Variants in SPATA13 observed in about 807,000 individuals in gnomAD.
SPATA13 encodes the protein spermatogenesis-associated protein 13.
SPATA13 carries 50 observed loss-of-function variants against 104.0 expected under a neutral mutation model. That is an observed-to-expected ratio of 0.48 (90% CI 0.38 to 0.61). The LOEUF (loss-of-function observed/expected upper bound fraction) is 0.61, where lower values mean the gene tolerates loss of function less well. Ranked by LOEUF, SPATA13 falls within the 20% of genes least tolerant of loss-of-function variation. SPATA13 has a pLI of 0.00. For missense variants in SPATA13, 1,524 were observed against 1,690.6 expected (o/e 0.90, Z 1.73); for synonymous variants, 606 against 667.5 (o/e 0.91, Z 1.42).
intron 3 of SPATA13, among the ~76,000 whole-genome samples, chr13:24,079,207 G>A (rs61945466): frequency 0.077 from 11,746 of 152,248 alleles, 629 homozygotes; most frequent in South Asian, 0.15. Flanking sequence ...GGCCCACATG[G>A]CTGCAGGAGA....
intron 12 of SPATA13, among the ~76,000 whole-genome samples, 161 bp from the exon 13 acceptor site, chr13:24,302,436 TG>T: frequency 8.6e-6 from 1 of 115,664 alleles, no homozygotes; most frequent in East Asian, 2.5e-4. Context: ...CACTCCAGCC[TG>T]GGTGACAGTA....
upstream of SPATA13, among the ~76,000 whole-genome samples, chr13:24,155,836 C>T (rs970498168): frequency 6.6e-5 from 10 of 152,182 alleles, no homozygotes; most frequent in African/African-American, 1.9e-4. Context: ...TAAGCAGTAA[C>T]TCCCCACTTT....
intron 2 of SPATA13, among the ~76,000 whole-genome samples, chr13:24,000,639 C>T (rs1875917426): frequency 6.6e-6 from 1 of 152,188 alleles, no homozygotes; most frequent in Admixed American, 6.5e-5. Flanking sequence ...GAAAGGGCAA[C>T]AGGACATGCA....
intron 2 of SPATA13, among the ~76,000 whole-genome samples, chr13:24,227,028 G>GT (rs1228639079): frequency 5.9e-5 from 9 of 152,184 alleles, no homozygotes; most frequent in Non-Finnish European, 1.3e-4. Context: ...TGGAGCAGTT[G>GT]TAAGGACACA....
chr13:24,082,181 T>C (rs1032232018), intron 3 of SPATA13, among the ~76,000 whole-genome samples: 1 of 152,186 alleles, frequency 6.6e-6, no homozygotes, highest in Non-Finnish European at 1.5e-5. Flanking sequence ...AAAATACATC[T>C]TTGCAAGGAT....
intron 2 of SPATA13, among the ~76,000 whole-genome samples, chr13:24,232,544 A>G (rs955967707): frequency 2.6e-5 from 4 of 152,124 alleles, no homozygotes; most frequent in South Asian, 2.1e-4. Flanking sequence ...TAAATTTTTT[A>G]ATATTTTTCT....
At chr13:24,242,806 A>T (rs998973645) in intron 2 of SPATA13, among the ~76,000 whole-genome samples, 1 of 152,174 alleles carries the variant, frequency 6.6e-6, no homozygotes. Context: ...ACTCCTCAAA[A>T]TATGGTCATT....
chr13:24,208,703 AG>A (rs5802270), intron 1 of SPATA13, among the ~76,000 whole-genome samples: 101,927 of 151,246 alleles, frequency 0.67, 34,565 homozygotes, highest in South Asian at 0.83. Flanking sequence ...ATAGGCCAAA[AG>A]AAATCCCTGA....
intron 5 of SPATA13, among the ~76,000 whole-genome samples, chr13:24,284,594 G>A (rs916030858): frequency 2.0e-4 from 31 of 152,138 alleles, no homozygotes; most frequent in African/African-American, 7.5e-4. Flanking sequence ...AAGCTGGGAG[G>A]CGGAGGTTGC....
intron 3 of SPATA13, among the ~76,000 whole-genome samples, chr13:24,066,094 G>A (rs1878953017): frequency 6.6e-6 from 1 of 152,178 alleles, no homozygotes; most frequent in Non-Finnish European, 1.5e-5. Flanking sequence ...AATTGATTAT[G>A]AATTGTTAAA....
At chr13:24,198,974 G>T (rs1424503723) in intron 1 of SPATA13, among the ~76,000 whole-genome samples, 4 of 144,906 alleles carry the variant, frequency 2.8e-5, no homozygotes, top group Non-Finnish European at 4.5e-5. Context: ...TTTAAGGCAG[G>T]GTCTTACTCT....
chr13:24,059,838 T>C (rs1305625948), intron 3 of SPATA13, among the ~76,000 whole-genome samples: 6 of 152,220 alleles, frequency 3.9e-5, no homozygotes, highest in African/African-American at 1.4e-4. Context: ...TGCCTTCATT[T>C]TCTTCTCTTG....
intron 2 of SPATA13, among the ~76,000 whole-genome samples, chr13:24,009,092 G>A (rs1269839856): frequency 1.3e-5 from 2 of 152,154 alleles, no homozygotes; most frequent in Admixed American, 6.5e-5. Flanking sequence ...ACTCTGCCAG[G>A]CCCTGCTGAG....
At chr13:24,199,284 C>CGGAAGGTG (rs1442374390) in intron 1 of SPATA13, among the ~76,000 whole-genome samples, 5 of 152,176 alleles carry the variant, frequency 3.3e-5, no homozygotes, top group Non-Finnish European at 4.4e-5. Flanking sequence ...CTGAGCTCTT[C>CGGAAGGTG]GGAAGGTGGG....
rs867677333 is a variant in SPATA13, at chr13:24,044,270, C to T, written c.-112+26569C>T. ...TTTTTTTGAGACGTAGTCTTGCTCT[C>T]TTTCCAGGCTGGAGTGCAGCAGCGC... On this transcript the variant is annotated intron_variant, in intron 3 of 14. Transcript: ENST00000424834. Among the ~76,000 whole-genome samples, 310 of 131,568 alleles carry T rather than the reference C, an allele frequency of 2.4e-3. 1 individual carries two copies. The highest frequency in any genetic ancestry group is 8.3e-3 in the African/African-American group (298 of 35,690). The allele number at this position is 131,568 out of a possible 152,430, so 86.3% of individuals were successfully genotyped here. A position where few individuals can be genotyped will look rare whatever the true frequency, so the allele number is the denominator to read the frequency against.
chr13:24,145,420 G>A (rs1194417664), intron 3 of SPATA13, among the ~76,000 whole-genome samples: 2 of 152,204 alleles, frequency 1.3e-5, no homozygotes, highest in African/African-American at 4.8e-5. Context: ...CAGGGGAAAG[G>A]AAGCTGTCTG....
At chr13:24,118,151 T>C (rs1461334647) in intron 3 of SPATA13, among the ~76,000 whole-genome samples, 1 of 152,162 alleles carries the variant, frequency 6.6e-6, no homozygotes, top group Non-Finnish European at 1.5e-5. Flanking sequence ...ACTCCAAACC[T>C]GAGCGTAGAC....
chr13:24,101,184 C>T (rs994833988), intron 3 of SPATA13, among the ~76,000 whole-genome samples: 6 of 152,170 alleles, frequency 3.9e-5, no homozygotes, highest in African/African-American at 1.4e-4. Context: ...CTACTGTTCT[C>T]ATCTATTTAC....
At chr13:24,086,805 C>T (rs1444734805) in intron 3 of SPATA13, among the ~76,000 whole-genome samples, 1 of 152,132 alleles carries the variant, frequency 6.6e-6, no homozygotes, top group South Asian at 2.1e-4. Flanking sequence ...GAGCTGTTGA[C>T]ATGGCCCTGG....
Sources: allele counts gnomAD v4.1 joint callset (sites outside exome capture counted in the v4.1 genomes callset), GRCh38; gene constraint gnomAD v4.1.1; transcripts MANE v1.5; gene names NCBI Gene and HGNC (gene_info 2026-07-23, HGNC 2026-07-21).